Variants in ACAP2 observed in about 807,000 individuals in gnomAD.
ACAP2 encodes the protein arf-GAP with coiled-coil, ANK repeat and PH domain-containing protein 2.
A neutral mutation model predicts 115.8 loss-of-function variants in ACAP2; 39 were observed. The ratio of observed to expected loss-of-function variants is 0.34; its 90% CI spans 0.26 to 0.44. The LOEUF is 0.44. ACAP2 is among the 20% of genes least tolerant of loss of function. The pLI is 1.00. For missense variants in ACAP2, 662 were observed against 927.6 expected (o/e 0.71, Z 3.72); for synonymous variants, 289 against 315.8 (o/e 0.92, Z 0.90).
chr3:195,402,918 T>C (rs1712435586), intron 1 of ACAP2, among the ~76,000 whole-genome samples: 1 of 152,142 alleles, frequency 6.6e-6, no homozygotes, highest in South Asian at 2.1e-4. Context: ...AAATAAACAA[T>C]GATCCTTACC....
chr3:195,433,521 T>A (rs1338018737), intron 1 of ACAP2, among the ~76,000 whole-genome samples: 1 of 152,238 alleles, frequency 6.6e-6, no homozygotes, highest in Non-Finnish European at 1.5e-5. Flanking sequence ...TTCTTGCTCC[T>A]TATGTTAGGG....
Position 195,325,511 on chromosome 3 carries a change from T to C in ACAP2, c.744+1374A>G, listed in dbSNP as rs367990834. ...GTCAGTATTCATAATAAGCAAAAAA[T>C]AGCATCATTTTCTTTAAAGGAAAAC... On this transcript the variant is annotated intron_variant, in intron 9 of 22. Transcript: ENST00000326793. 2.0e-4 allele frequency: 81 copies of C among 398,372 alleles called. No homozygotes were observed. In the East Asian group the frequency reaches 4.2e-3, roughly 21 times the overall value. The allele number at this position is 398,372 out of a possible 1,614,324, so 24.7% of individuals were successfully genotyped here.
intron 10 of ACAP2, among the ~76,000 whole-genome samples, chr3:195,310,119 T>TATTTAGTC (rs1553847829): frequency 1.7e-4 from 25 of 151,456 alleles, no homozygotes; most frequent in African/African-American, 6.0e-4. Flanking sequence ...TTAGAAATTG[T>TATTTAGTC]ATTTAGAATT....
chr3:195,403,425 G>A (rs1013156002), intron 1 of ACAP2, among the ~76,000 whole-genome samples: 4 of 152,212 alleles, frequency 2.6e-5, no homozygotes, highest in African/African-American at 9.6e-5. Context: ...TGGCTGCTAC[G>A]TGGAGAAGAC....
At position 195,299,415 on chromosome 3, in the gene ACAP2, C is replaced by CAAA. The variant is rs66689467; in HGVS notation, c.1396-2137_1396-2135dup. Among the ~76,000 whole-genome samples, 6 of 133,752 alleles carry CAAA rather than the reference C, an allele frequency of 4.5e-5. 1 individual carries two copies. Among genetic ancestry groups the CAAA allele is most frequent in the South Asian group, 2.4e-4 (1 of 4,182 alleles). 87.7% of individuals were successfully genotyped at this position (133,752 alleles called of 152,430 possible). A position where few individuals can be genotyped will look rare whatever the true frequency, so the allele number is the denominator to read the frequency against. On this transcript the variant is annotated intron_variant, in intron 15 of 22. Transcript: ENST00000326793. ...CAATACCCCGTCTCTACAAAAAATA[C>CAAA]AAAAAAAAAAAAAATTACTTGGGAG...
chr3:195,282,632 A>G (rs1726579952), intron 22 of ACAP2: 1 of 152,244 alleles, frequency 6.6e-6, no homozygotes, highest in Non-Finnish European at 1.5e-5. Flanking sequence ...TGGAACACAT[A>G]AACAACAACC....
intron 2 of ACAP2, among the ~76,000 whole-genome samples, chr3:195,387,197 C>T (rs545534317): frequency 6.6e-6 from 1 of 152,260 alleles, no homozygotes; most frequent in African/African-American, 2.4e-5. Context: ...AAATGAGATT[C>T]TAACTGAATA....
chr3:195,319,637 C>T (rs1165146810), intron 10 of ACAP2, among the ~76,000 whole-genome samples: 1 of 152,196 alleles, frequency 6.6e-6, no homozygotes, highest in East Asian at 1.9e-4. Context: ...TTGTTTTGGT[C>T]ATATTTTCCC....
At chr3:195,338,659 G>C (rs1730670656) in intron 6 of ACAP2, among the ~76,000 whole-genome samples, 1 of 152,110 alleles carries the variant, frequency 6.6e-6, no homozygotes, top group African/African-American at 2.4e-5. Flanking sequence ...TAAATTTACT[G>C]AAAGATCAAT....
intron 4 of ACAP2, among the ~76,000 whole-genome samples, chr3:195,355,552 AT>A (rs1391299216): frequency 6.6e-6 from 1 of 152,220 alleles, no homozygotes; most frequent in African/African-American, 2.4e-5. Context: ...ATAATCAAAA[AT>A]GTCAGTTGAC....
chr3:195,314,772 T>A (rs1001349055), intron 10 of ACAP2, among the ~76,000 whole-genome samples: 2 of 152,218 alleles, frequency 1.3e-5, no homozygotes, highest in African/African-American at 4.8e-5. Context: ...CTGAATTTTT[T>A]AAATTAACTC....
At chr3:195,308,422 C>T (rs1397613243) in intron 11 of ACAP2, among the ~76,000 whole-genome samples, 1 of 152,058 alleles carries the variant, frequency 6.6e-6, no homozygotes, top group African/African-American at 2.4e-5. Flanking sequence ...ATGGATACCC[C>T]AGTTACCCTG....
chr3:195,278,622 TAAAA>T lies in ACAP2; in HGVS notation c.*702_*705del, dbSNP rs34509351. On this transcript the variant is annotated 3_prime_UTR_variant, in exon 23 of 23. Coordinates refer to ENST00000326793, the MANE Select transcript of ACAP2 (RefSeq NM_012287.6). The stretch of plus-strand genomic sequence containing the variant: ...TTGAACTGGGGTTTTTTTTTGTGAT[TAAAA>T]AAAAAAAAGAGCTTCTTTTTGCTGC... The T allele has an allele frequency of 1.4e-5, 2 of 145,000 alleles. No homozygotes were observed. The highest frequency in any genetic ancestry group is 5.1e-5 in the African/African-American group (2 of 39,538). The allele number at this position is 145,000 out of a possible 1,614,324, so 9.0% of individuals were successfully genotyped here. A position where few individuals can be genotyped will look rare whatever the true frequency, so the allele number is the denominator to read the frequency against.
chr3:195,377,311 A>C (rs1318522534), intron 4 of ACAP2, among the ~76,000 whole-genome samples: 2 of 151,560 alleles, frequency 1.3e-5, no homozygotes, highest in East Asian at 3.9e-4. Flanking sequence ...CACCCAGCTA[A>C]TTTTTCTATT....
intron 20 of ACAP2, among the ~76,000 whole-genome samples, chr3:195,291,180 T>C (rs761169017): frequency 1.3e-5 from 2 of 152,214 alleles, no homozygotes; most frequent in South Asian, 2.1e-4. Flanking sequence ...TTCCTAATAA[T>C]AGAAAGTCCA....
chr3:195,421,610 T>G (rs1011311536), intron 1 of ACAP2, among the ~76,000 whole-genome samples: 1 of 152,232 alleles, frequency 6.6e-6, no homozygotes, highest in African/African-American at 2.4e-5. Flanking sequence ...ACATACTGCT[T>G]ACACAATAGC....
At chr3:195,431,605 T>C (rs2108859092) in intron 1 of ACAP2, among the ~76,000 whole-genome samples, 1 of 73,606 alleles carries the variant, frequency 1.4e-5, no homozygotes, top group East Asian at 2.3e-3. Context: ...GCCCGACTAA[T>C]TTTTTTTTTT....
intron 10 of ACAP2, among the ~76,000 whole-genome samples, chr3:195,317,370 C>A (rs967772186): frequency 2.0e-5 from 3 of 152,048 alleles, no homozygotes; most frequent in African/African-American, 7.2e-5. Flanking sequence ...ATAAAAACAA[C>A]CTTCATCATT....
At chr3:195,320,052 C>T (rs1031320355) in intron 10 of ACAP2, among the ~76,000 whole-genome samples, 2 of 152,046 alleles carry the variant, frequency 1.3e-5, no homozygotes, top group African/African-American at 2.4e-5. Flanking sequence ...GGTTTAAAAG[C>T]GGCAATTTCC....
Sources: gnomAD v4.1 joint callset for allele counts (sites outside exome capture counted in the v4.1 genomes callset) on GRCh38, gnomAD v4.1.1 for gene constraint, MANE v1.5 for transcripts, NCBI Gene and HGNC (gene_info 2026-07-23, HGNC 2026-07-21) for gene names.